The following CMTM8 variants were observed in gnomAD, a reference collection of about 807,000 sequenced individuals.
The protein encoded by CMTM8 is CKLF-like MARVEL transmembrane domain-containing protein 8.
In CMTM8, 12 loss-of-function variants were observed where a neutral mutation model predicts 18.6. The ratio of observed to expected loss-of-function variants is 0.65; its 90% CI spans 0.41 to 1.05. CMTM8 has a LOEUF of 1.05. CMTM8 is among the 50% of genes least tolerant of loss of function. The probability of loss-of-function intolerance (pLI) is 0.00; values close to 1 mark genes in which losing one functional copy is unlikely to be tolerated. For missense variants in CMTM8, 217 were observed against 227.2 expected (o/e 0.95, Z 0.29); for synonymous variants, 87 against 90.6 (o/e 0.96, Z 0.23).
At chr3:32,291,605 G>C (rs1234178051) in intron 1 of CMTM8, among the ~76,000 whole-genome samples, 1 of 152,232 alleles carries the variant, frequency 6.6e-6, no homozygotes, top group East Asian at 1.9e-4. Context: ...GAAGCAGGTA[G>C]GTTGTCAGTT....
intron 1 of CMTM8, among the ~76,000 whole-genome samples, chr3:32,309,015 G>A (rs1240568941): frequency 6.6e-6 from 1 of 152,172 alleles, no homozygotes. Flanking sequence ...GCACTATGAG[G>A]TTGGGAGAAT....
chr3:32,302,432 G>A (rs528594896), intron 1 of CMTM8, among the ~76,000 whole-genome samples: 15 of 152,172 alleles, frequency 9.9e-5, no homozygotes, highest in Non-Finnish European at 1.8e-4. Context: ...GGTTGTTCCC[G>A]ACATCTTAGG....
intron 1 of CMTM8, among the ~76,000 whole-genome samples, chr3:32,277,628 GA>G (rs751972724): frequency 3.3e-5 from 5 of 152,112 alleles, no homozygotes; most frequent in Non-Finnish European, 7.3e-5. Context: ...TCTATTACCC[GA>G]AGTTATGTTA....
intron 1 of CMTM8, among the ~76,000 whole-genome samples, chr3:32,348,791 T>C (rs1471429538): frequency 6.6e-6 from 1 of 151,988 alleles, no homozygotes; most frequent in East Asian, 1.9e-4. Context: ...ATGAGCCACC[T>C]CTTCTGGCCC....
intron 1 of CMTM8, among the ~76,000 whole-genome samples, chr3:32,322,148 G>T (rs1386721632): frequency 6.6e-6 from 1 of 152,188 alleles, no homozygotes; most frequent in Non-Finnish European, 1.5e-5. Flanking sequence ...TACTGTGTGT[G>T]TGAGGAAAAC....
At chr3:32,361,627 C>T (rs1236575898) in intron 2 of CMTM8, among the ~76,000 whole-genome samples, 3 of 152,026 alleles carry the variant, frequency 2.0e-5, no homozygotes, top group African/African-American at 7.3e-5. Context: ...TATAATCTTG[C>T]GTGTAGTGCC....
chr3:32,238,320 C>T (rs938644155), upstream of CMTM8: 1 of 152,372 alleles, frequency 6.6e-6, no homozygotes, highest in Non-Finnish European at 1.5e-5. Flanking sequence ...CCCTCCGCGC[C>T]GAGTCCTGGA....
At position 32,362,046 on chromosome 3, in the gene CMTM8, C is replaced by CTTTT. The variant is rs60064096; in HGVS notation, c.321+4508_321+4511dup. ...GTTAAAGCAGCTACTATTTTCTTTT[C>CTTTT]TTTTTTTTTTTGGAGATGGAGTCTT... On this transcript the variant is annotated intron_variant, in intron 2 of 3. Coordinates refer to ENST00000307526, the MANE Select transcript of CMTM8 (RefSeq NM_178868.5). 3.3e-5 allele frequency among the ~76,000 whole-genome samples: 3 copies of CTTTT among 92,054 alleles called. 1 individual carries two copies. The highest frequency in any genetic ancestry group is 4.1e-4 in the South Asian group (1 of 2,448). 60.4% of individuals were successfully genotyped at this position (92,054 alleles called of 152,430 possible). A position where few individuals can be genotyped will look rare whatever the true frequency, so the allele number is the denominator to read the frequency against.
chr3:32,265,395 T>C (rs1702323623), intron 1 of CMTM8, among the ~76,000 whole-genome samples: 1 of 152,148 alleles, frequency 6.6e-6, no homozygotes, highest in African/African-American at 2.4e-5. Context: ...AAGATATTCT[T>C]TGAAACCAAC....
intron 1 of CMTM8, among the ~76,000 whole-genome samples, chr3:32,301,094 A>G (rs899800906): frequency 1.3e-5 from 2 of 152,202 alleles, no homozygotes; most frequent in African/African-American, 4.8e-5. Context: ...TTAAGATGGG[A>G]AGGATTTCTT....
intron 1 of CMTM8, among the ~76,000 whole-genome samples, chr3:32,263,337 A>C (rs1373615730): frequency 1.3e-5 from 2 of 152,228 alleles, no homozygotes; most frequent in African/African-American, 4.8e-5. Context: ...TACCCAGGCA[A>C]ACGGTCTGGA....
intron 1 of CMTM8, among the ~76,000 whole-genome samples, chr3:32,322,399 T>C (rs1192313559): frequency 1.3e-5 from 2 of 152,214 alleles, no homozygotes; most frequent in Non-Finnish European, 2.9e-5. Context: ...ATGAGACTAA[T>C]TTACATTTTG....
intron 1 of CMTM8, among the ~76,000 whole-genome samples, chr3:32,355,731 T>C (rs1471888798): frequency 6.6e-6 from 1 of 152,200 alleles, no homozygotes; most frequent in African/African-American, 2.4e-5. Flanking sequence ...GCTCATATCA[T>C]CTGACCTTCC....
intron 1 of CMTM8, among the ~76,000 whole-genome samples, chr3:32,290,660 C>G (rs1702764760): frequency 6.6e-6 from 1 of 152,308 alleles, no homozygotes; most frequent in African/African-American, 2.4e-5. Context: ...GTTATTTTAA[C>G]AATACAAGCA....
intron 1 of CMTM8, among the ~76,000 whole-genome samples, chr3:32,309,732 G>C: frequency 6.6e-6 from 1 of 152,132 alleles, no homozygotes; most frequent in East Asian, 1.9e-4. Context: ...TGGCTATTCT[G>C]ATTGAGCCTG....
intron 2 of CMTM8, among the ~76,000 whole-genome samples, chr3:32,365,161 C>T (rs762275197): frequency 3.9e-5 from 6 of 152,100 alleles, no homozygotes; most frequent in Admixed American, 6.5e-5. Flanking sequence ...CCTAAGCCAC[C>T]GTCTTGGGTC....
chr3:32,282,810 C>G (rs1188942283), intron 1 of CMTM8, among the ~76,000 whole-genome samples: 1 of 152,180 alleles, frequency 6.6e-6, no homozygotes, highest in Non-Finnish European at 1.5e-5. Flanking sequence ...GCTCTGGCCC[C>G]CTTGCTGCTT....
Position 32,244,642 on chromosome 3 carries a change from G to A in CMTM8, c.147+5523G>A, listed in dbSNP as rs182071385. Among the ~76,000 whole-genome samples, 520 of 152,160 alleles carry A rather than the reference G, an allele frequency of 3.4e-3. 3 individuals carry two copies. The highest frequency in any genetic ancestry group is 3.4e-3 in the Middle Eastern group (1 of 292). Reference sequence around the variant, plus strand: ...TACTATGCCGTGAACATTTTTCAGGGTCTTGGACCTTTTGAATTATTACCG... The same window carrying A: ...TACTATGCCGTGAACATTTTTCAGGATCTTGGACCTTTTGAATTATTACCG... On this transcript the variant is annotated intron_variant, in intron 1 of 3. Transcript: ENST00000307526.
chr3:32,336,332 C>G (rs79318112), intron 1 of CMTM8, among the ~76,000 whole-genome samples: 1 of 152,186 alleles, frequency 6.6e-6, no homozygotes, highest in East Asian at 1.9e-4. Context: ...AAAGTGGAGT[C>G]GGCACAAATC....
Sources: gnomAD v4.1 joint callset for allele counts (sites outside exome capture counted in the v4.1 genomes callset) on GRCh38, gnomAD v4.1.1 for gene constraint, MANE v1.5 for transcripts, NCBI Gene and HGNC (gene_info 2026-07-23, HGNC 2026-07-21) for gene names.